GNL2: variants seen among roughly 807,000 people sequenced by gnomAD.
GNL2 encodes G protein nucleolar 2.
A neutral mutation model predicts 92.3 loss-of-function variants in GNL2; 51 were observed. The observed-to-expected ratio is 0.55, with a 90% CI of 0.44 to 0.70. The LOEUF is 0.70. GNL2 is among the 30% of genes least tolerant of loss of function. GNL2 has a pLI of 0.00. For synonymous variants in GNL2, 283 were observed against 300.6 expected (o/e 0.94, Z 0.61); for missense variants, 844 against 895.6 (o/e 0.94, Z 0.74).
chr1:37,595,641 G>T, intron 1 of GNL2, 118 bp downstream of exon 1: 1 of 827,552 alleles, frequency 1.2e-6, no homozygotes, highest in Non-Finnish European at 2.0e-6. Context: ...CAGCCACCCC[G>T]CTCGTAGTCA....
At chr1:37,568,009 CTT>C (rs1643534494) in intron 14 of GNL2, 2 of 591,006 alleles carry the variant, frequency 3.4e-6, no homozygotes, top group Admixed American at 3.0e-5. Context: ...ACACCCCCCT[CTT>C]TGTCTGTGGA....
At position 37,582,298 on chromosome 1, in the gene GNL2, T is replaced by C. The variant is rs142136240; in HGVS notation, c.834A>G (p.Thr278=). ...TAGTAAGGCTTGCATGGAAAGCAAGTGTTGGATAATCCTGGGAGAGGACAG... is the reference window on the plus strand; with the variant it reads ...TAGTAAGGCTTGCATGGAAAGCAAGCGTTGGATAATCCTGGGAGAGGACAG... The part of the protein sequence containing the change: ...WVAVLSQDYP[T]LAFHASLTNP... The change falls in exon 8 of 16, where the codon ACA becomes ACG. Residue 278 remains threonine (T), a synonymous_variant. Coordinates refer to ENST00000373062, the MANE Select transcript of GNL2 (RefSeq NM_013285.3). 1.7e-4 allele frequency: 278 copies of C among 1,613,426 alleles called. 3 individuals are homozygous for C. The African/African-American group carries it at 3.4e-3, about 19-fold the overall frequency.
chr1:37,584,044 T>C (rs1252350797), intron 5 of GNL2, 111 bp from the exon 6 acceptor site: 20 of 715,978 alleles, frequency 2.8e-5, no homozygotes, highest in Non-Finnish European at 4.8e-5. Flanking sequence ...CAGTTGGAGA[T>C]GGACCAGAAA....
At position 37,568,369 on chromosome 1, in the gene GNL2, A is replaced by G. The variant is rs1288509875; in HGVS notation, c.1869-12T>C. 1 of 1,564,328 alleles carries G rather than the reference A, an allele frequency of 6.4e-7. No individual in the cohort carries two copies. ...GTCCCTTGGATATTCTGAAACAGAA[A>G]AGCAAAGTAACATTCCTCCTCTCAC... is the stretch of plus-strand genomic sequence containing the variant. On this transcript the variant is annotated splice_polypyrimidine_tract_variant and intron_variant, in intron 13 of 15. Coordinates refer to ENST00000373062, the MANE Select transcript of GNL2 (RefSeq NM_013285.3).
rs779203068 is a variant in GNL2, at chr1:37,574,752, A to G, written c.1215T>C (p.Tyr405=). 2 of 1,613,736 alleles carry G rather than the reference A, an allele frequency of 1.2e-6. No homozygotes were observed. Among genetic ancestry groups the G allele is most frequent in the Non-Finnish European group, 1.7e-6 (2 of 1,179,612 alleles). The stretch of plus-strand genomic sequence containing the variant: ...AATCAATCTTGTATGTTTTGCTGAT[A>G]TATTCTGGCTTTGCTCGTTCAAGTA... ...GAVLERAKPE[Y]ISKTYKIDSW... Residue 405 remains tyrosine (Y), a synonymous_variant, in exon 11 of 16, where the codon TAT becomes TAC. Transcript: ENST00000373062.
chr1:37,581,133 TA>T, intron 8 of GNL2, among the ~76,000 whole-genome samples: 1 of 152,084 alleles, frequency 6.6e-6, no homozygotes, highest in East Asian at 1.9e-4. Context: ...AGTAAGAAAT[TA>T]ATAAGCATCT....
Position 37,569,223 on chromosome 1 carries a change from C to T in GNL2, c.1496G>A (p.Gly499Asp). Residue 499 changes from glycine to aspartate, a missense_variant, in exon 13 of 16, where the codon GGT (glycine) becomes GAT (aspartate). Physicochemically the swap from Gly to Asp is moderately conservative, Grantham distance 94 (BLOSUM62 -1). Transcript: ENST00000373062. ...CTTAATGATGGATTCTGACCCTTCA[C>T]CTGCAGTTTCTGTGACTTCCTCCCC... ...NPGEEVTETA[G>D]EGSESIIKEE... is the part of the protein sequence containing the mutation. 1.9e-6 allele frequency: 3 copies of T among 1,613,860 alleles called. No homozygotes were observed. Among genetic ancestry groups the T allele is most frequent in the Non-Finnish European group, 2.5e-6 (3 of 1,179,920 alleles).
At chr1:37,591,309 G>T (rs947154294) in intron 3 of GNL2, among the ~76,000 whole-genome samples, 1 of 152,144 alleles carries the variant, frequency 6.6e-6, no homozygotes, top group African/African-American at 2.4e-5. Context: ...ATGAGTCCAT[G>T]CAAGGGAACA....
At chr1:37,573,142 G>A (rs1481284630) in intron 12 of GNL2, among the ~76,000 whole-genome samples, 1 of 152,162 alleles carries the variant, frequency 6.6e-6, no homozygotes, top group Non-Finnish European at 1.5e-5. Context: ...ACATGAAGAG[G>A]GAGAGAAATT....
chr1:37,586,837 T>G (rs1643856618), intron 5 of GNL2, among the ~76,000 whole-genome samples: 1 of 152,194 alleles, frequency 6.6e-6, no homozygotes, highest in South Asian at 2.1e-4. Context: ...AGCCCCAATT[T>G]CACCAACGTC....
chr1:37,584,024 G>A, intron 5 of GNL2, 91 bp from the exon 6 acceptor site: 2 of 784,354 alleles, frequency 2.5e-6, no homozygotes, highest in Non-Finnish European at 4.5e-6. Flanking sequence ...AAAAAAAACA[G>A]TATCAAACCC....
At position 37,575,613 on chromosome 1, in the gene GNL2, G is replaced by A. The variant is rs766135853; in HGVS notation, c.1125C>T (p.Asp375=). The change falls in exon 10 of 16, where the codon GAC becomes GAT. Residue 375 remains aspartate, a synonymous_variant. Coordinates refer to ENST00000373062, the MANE Select transcript of GNL2 (RefSeq NM_013285.3). The surrounding 1 kb of genome is among the most constrained non-coding windows in gnomAD (Gnocchi z 4.1). ...TACTCACAACTCCTTTTAGCACAAT[G>A]TCTGTCTCGGAGTCCTCAGAGGGGT... The part of the protein sequence containing the change: ...VVYPSEDSET[D]IVLKGVVQVE... The A allele has an allele frequency of 1.3e-6, 2 of 1,585,262 alleles. No individual in the cohort carries two copies. Among genetic ancestry groups the A allele is most frequent in the South Asian group, 1.2e-5 (1 of 86,380 alleles).
intron 8 of GNL2, among the ~76,000 whole-genome samples, chr1:37,577,716 T>A (rs1334204397): frequency 6.6e-6 from 1 of 152,120 alleles, no homozygotes; most frequent in African/African-American, 2.4e-5. Context: ...TGGTGGTAGA[T>A]CCCTCTTAAG....
intron 12 of GNL2, among the ~76,000 whole-genome samples, chr1:37,572,276 C>G (rs1643605954): frequency 6.6e-6 from 1 of 152,130 alleles, no homozygotes; most frequent in South Asian, 2.1e-4. Flanking sequence ...CTCCTAAGAC[C>G]CTTGGAATTT....
chr1:37,574,539 G>T, intron 11 of GNL2, 83 bp from the exon 12 acceptor site: 1 of 1,400,862 alleles, frequency 7.1e-7, no homozygotes, highest in Admixed American at 1.8e-5. Flanking sequence ...GTTGTCCCAG[G>T]GGTTCATCAT....
Position 37,570,919 on chromosome 1 carries a change from T to C in GNL2, c.1417-1617A>G, listed in dbSNP as rs1329427261. 7 of 152,190 alleles carry C rather than the reference T, an allele frequency of 4.6e-5. 1 individual carries two copies. Among genetic ancestry groups the C allele is most frequent in the Non-Finnish European group, 5.9e-5 (4 of 68,040 alleles). The allele number at this position is 152,190 out of a possible 1,614,324, so 9.4% of individuals were successfully genotyped here. ...CTACTGGTGTTTCACATGTATAATA[T>C]CATTTTATCCTTGCAACAAAAACTC... is the stretch of plus-strand genomic sequence containing the variant. On this transcript the variant is annotated intron_variant, in intron 12 of 15. Transcript: ENST00000373062.
chr1:37,588,207 G>T (rs1643868197), intron 4 of GNL2, among the ~76,000 whole-genome samples: 1 of 151,838 alleles, frequency 6.6e-6, no homozygotes, highest in Non-Finnish European at 1.5e-5. Flanking sequence ...TACAGGCATA[G>T]GAATTTCTGA....
intron 4 of GNL2, among the ~76,000 whole-genome samples, chr1:37,589,113 G>A (rs893191206): frequency 2.6e-5 from 4 of 152,190 alleles, no homozygotes; most frequent in Non-Finnish European, 5.9e-5. Flanking sequence ...GAGAACAAGG[G>A]AAATGAGCAA....
chr1:37,572,955 G>A (rs912289826), intron 12 of GNL2, among the ~76,000 whole-genome samples: 1 of 152,170 alleles, frequency 6.6e-6, no homozygotes, highest in Non-Finnish European at 1.5e-5. Flanking sequence ...TATGTATTTG[G>A]TGTCAGAAGA....
Sources: gnomAD v4.1 joint callset for allele counts (sites outside exome capture counted in the v4.1 genomes callset) on GRCh38, gnomAD v4.1.1 for gene constraint, Gnocchi (gnomAD v3.1) non-coding constraint, MANE v1.5 for transcripts, NCBI Gene and HGNC (gene_info 2026-07-23, HGNC 2026-07-21) for gene names.